GRM8: variants seen among roughly 807,000 people sequenced by gnomAD.
GRM8 encodes metabotropic glutamate receptor 8.
In GRM8, 47 loss-of-function variants were observed where a neutral mutation model predicts 87.2. That is an observed-to-expected ratio of 0.54 (90% CI 0.43 to 0.69). GRM8 has a LOEUF of 0.69. Ranked by LOEUF, GRM8 falls within the 30% of genes least tolerant of loss-of-function variation. The pLI, the probability that GRM8 is intolerant of heterozygous loss-of-function variation, is 0.00. For synonymous variants in GRM8, 396 were observed against 404.5 expected (o/e 0.98, Z 0.25); for missense variants, 1,019 against 1,139.2 (o/e 0.89, Z 1.52).
intron 9 of GRM8, among the ~76,000 whole-genome samples, chr7:126,473,227 G>C (rs1362313355): frequency 6.6e-6 from 1 of 152,182 alleles, no homozygotes; most frequent in Non-Finnish European, 1.5e-5. Context: ...CTCAATGCCA[G>C]CCCATGAAAG....
intron 7 of GRM8, among the ~76,000 whole-genome samples, chr7:126,630,619 GA>G (rs1801162825): frequency 1.3e-5 from 2 of 151,840 alleles, no homozygotes; most frequent in Non-Finnish European, 2.9e-5. Context: ...AACATCAATG[GA>G]AAAACGCTCA....
chr7:126,985,487 T>C (rs1445006476), intron 3 of GRM8, among the ~76,000 whole-genome samples: 5 of 152,244 alleles, frequency 3.3e-5, no homozygotes, highest in Non-Finnish European at 2.9e-5. Context: ...TTAGTAACTA[T>C]CTGAGTCCAC....
At chr7:126,463,842 G>A (rs1804180450) in intron 9 of GRM8, among the ~76,000 whole-genome samples, 1 of 151,392 alleles carries the variant, frequency 6.6e-6, no homozygotes, top group African/African-American at 2.4e-5. Context: ...CAACTTCTTT[G>A]TCTCTGGAAA....
At chr7:126,830,271 T>C (rs36199726) in intron 6 of GRM8, among the ~76,000 whole-genome samples, 12,547 of 152,280 alleles carry the variant, frequency 0.082, 790 homozygotes, top group East Asian at 0.31. Flanking sequence ...TTGGGGATGT[T>C]CTCCTGGATA....
Position 127,106,682 on chromosome 7 carries a change from G to A in GRM8, c.541C>T (p.Pro181Ser), listed in dbSNP as rs760063701. The change falls in exon 3 of 11, where the codon CCA (proline) becomes TCA (serine). Residue 181 changes from proline to serine, a missense_variant. Physicochemically the swap from Pro to Ser is moderately conservative, Grantham distance 74 (BLOSUM62 -1). Transcript: ENST00000339582. ...IPQISYASTA[P>S]ELSDNTRYDF... The stretch of plus-strand genomic sequence containing the variant: ...TACCTGGTGTTATCACTTAGCTCTG[G>A]GGCTGTGGATGCATAGCTGATTTGA... The A allele has an allele frequency of 3.7e-6, 6 of 1,613,336 alleles. No homozygotes were observed. The Admixed American group carries it at 8.3e-5, about 22-fold the overall frequency.
chr7:127,069,938 A>C (rs748935592), intron 3 of GRM8, among the ~76,000 whole-genome samples: 3 of 152,208 alleles, frequency 2.0e-5, no homozygotes, highest in Non-Finnish European at 4.4e-5. Flanking sequence ...GTGTTCAACA[A>C]ATGTTAATTA....
intron 7 of GRM8, among the ~76,000 whole-genome samples, chr7:126,647,186 CTT>C (rs1803209307): frequency 6.6e-6 from 1 of 152,046 alleles, no homozygotes; most frequent in Admixed American, 6.6e-5. Context: ...AGCCCCACAG[CTT>C]AAGGCCAGCC....
chr7:127,175,757 T>C (rs527543362), intron 2 of GRM8, among the ~76,000 whole-genome samples: 1 of 152,186 alleles, frequency 6.6e-6, no homozygotes, highest in East Asian at 1.9e-4. Flanking sequence ...TCTTCAAAAG[T>C]AAAAGAGAAG....
intron 7 of GRM8, among the ~76,000 whole-genome samples, chr7:126,735,938 C>T (rs1814161844): frequency 6.6e-6 from 1 of 152,014 alleles, no homozygotes; most frequent in Non-Finnish European, 1.5e-5. Flanking sequence ...AGAATGAAGC[C>T]TTGCTAATGC....
intron 3 of GRM8, among the ~76,000 whole-genome samples, chr7:126,959,678 A>AT (rs938642564): frequency 1.3e-5 from 2 of 152,132 alleles, no homozygotes; most frequent in African/African-American, 2.4e-5. Context: ...GCACACATTT[A>AT]TTTTTTCCTT....
intron 1 of GRM8, among the ~76,000 whole-genome samples, chr7:127,245,030 C>T (rs1227554905): frequency 2.0e-5 from 3 of 152,200 alleles, no homozygotes; most frequent in African/African-American, 7.2e-5. Flanking sequence ...TGTTTAGTCC[C>T]TCACACTGGA....
At chr7:126,750,006 C>G (rs1370479913) in intron 7 of GRM8, among the ~76,000 whole-genome samples, 3 of 152,078 alleles carry the variant, frequency 2.0e-5, no homozygotes, top group African/African-American at 7.2e-5. Context: ...CCAAGAGAAA[C>G]AAAAGCATAT....
At chr7:127,175,657 C>T (rs1587201223) in intron 2 of GRM8, among the ~76,000 whole-genome samples, 5 of 152,156 alleles carry the variant, frequency 3.3e-5, no homozygotes, top group Admixed American at 3.3e-4. Context: ...TCATCAGTAC[C>T]ATGCAAGCAA....
chr7:126,661,203 A>G (rs1373508971), intron 7 of GRM8, among the ~76,000 whole-genome samples: 1 of 152,208 alleles, frequency 6.6e-6, no homozygotes. Flanking sequence ...AAACATAAAC[A>G]CTTGAACGGA....
intron 6 of GRM8, among the ~76,000 whole-genome samples, chr7:126,775,447 TA>T (rs1457369356): frequency 6.9e-6 from 1 of 144,562 alleles, no homozygotes; most frequent in African/African-American, 2.6e-5. Context: ...CATCACACAC[TA>T]AAGAGTGAGC....
In GRM8 at chr7:126,794,303, C is replaced by T. The variant is rs1335872602; in HGVS notation, c.1157-24238G>A. ...AGCCATTTTGCTCAGCAGGAGCTTA[C>T]AACCAGTCCTAAATTGTTAGTGGCA... is the stretch of plus-strand genomic sequence containing the variant. On this transcript the variant is annotated intron_variant, in intron 6 of 10. Transcript: ENST00000339582. 2.6e-5 allele frequency among the ~76,000 whole-genome samples: 4 copies of T among 152,076 alleles called. No homozygotes were observed. In the East Asian group the frequency reaches 5.8e-4, roughly 22 times the overall value.
At chr7:126,482,814 T>C (rs1195915308) in intron 9 of GRM8, among the ~76,000 whole-genome samples, 8 of 151,916 alleles carry the variant, frequency 5.3e-5, no homozygotes, top group Non-Finnish European at 1.2e-4. Context: ...TGTGTAACTT[T>C]ACTACAGTTT....
At chr7:127,174,660 G>A (rs1465299108) in intron 2 of GRM8, among the ~76,000 whole-genome samples, 1 of 152,088 alleles carries the variant, frequency 6.6e-6, no homozygotes, top group Non-Finnish European at 1.5e-5. Context: ...AAAGCATCAA[G>A]GTGGGTACCA....
chr7:126,690,000 A>C (rs1402150485), intron 7 of GRM8, among the ~76,000 whole-genome samples: 1 of 152,224 alleles, frequency 6.6e-6, no homozygotes, highest in Non-Finnish European at 1.5e-5. Context: ...GATGACATAA[A>C]AGATAAACTG....
Sources: gnomAD v4.1 joint callset for allele counts (sites outside exome capture counted in the v4.1 genomes callset) on GRCh38, gnomAD v4.1.1 for gene constraint, MANE v1.5 for transcripts, NCBI Gene and HGNC (gene_info 2026-07-23, HGNC 2026-07-21) for gene names.